The following IFT27 variants were observed in gnomAD, a reference collection of about 807,000 sequenced individuals.
IFT27 encodes intraflagellar transport 27.
In IFT27, 19 loss-of-function variants were observed where a neutral mutation model predicts 23.9. The observed-to-expected ratio is 0.79, with a 90% CI of 0.55 to 1.16. The LOEUF is 1.16. IFT27 is among the 50% of genes most tolerant of loss of function. The pLI is 0.00. For missense variants in IFT27, 206 were observed against 228.7 expected, an observed-to-expected ratio of 0.90 and a Z score of 0.64; for synonymous variants, 91 against 89.1, an observed-to-expected ratio of 1.02 and a Z score of -0.12.
intron 1 of IFT27, among the ~76,000 whole-genome samples, chr22:36,769,857 C>T (rs1324852206): frequency 1.3e-5 from 2 of 152,176 alleles, no homozygotes; most frequent in Non-Finnish European, 2.9e-5. Flanking sequence ...TTATGAGATT[C>T]CTCACAGATT....
chr22:36,762,858 AG>A, intron 6 of IFT27, 45 bp downstream of exon 6: 1 of 1,291,454 alleles, frequency 7.7e-7, no homozygotes, highest in Non-Finnish European at 1.1e-6. Flanking sequence ...CGCTGCCAGC[AG>A]AGGCCCACTC....
Position 36,767,824 on chromosome 22 carries a change from A to G in IFT27, c.73T>C (p.Phe25Leu), listed in dbSNP as rs1938293324. The G allele has an allele frequency of 1.2e-6, 2 of 1,614,096 alleles. No homozygotes were observed. Among genetic ancestry groups the G allele is most frequent in the Non-Finnish European group, 1.7e-6 (2 of 1,180,032 alleles). The change falls in exon 2 of 7, where the codon TTC (phenylalanine) becomes CTC (leucine). Residue 25 changes from phenylalanine to leucine, a missense_variant. Physicochemically the swap from Phe to Leu is conservative, Grantham distance 22. Transcript: ENST00000433985. ...AVGKTALAQI[F>L]RSDGAHFQKS... is the part of the protein sequence containing the mutation. ...TGGAAATGGGCTCCATCACTGCGGA[A>G]GATCTGTGCCAGGGCGGTCTTGCCC...
intron 5 of IFT27, 122 bp from the exon 6 acceptor site, chr22:36,763,135 G>A (rs1938142494): frequency 1.7e-6 from 1 of 593,988 alleles, no homozygotes; most frequent in Non-Finnish European, 2.8e-6. Context: ...CCTGACTCGA[G>A]GTGGTGAGCC....
At chr22:36,763,854 C>T (rs1938164559) in intron 5 of IFT27, 65 bp downstream of exon 5, 3 of 1,160,596 alleles carry the variant, frequency 2.6e-6, no homozygotes, top group Non-Finnish European at 3.9e-6. Context: ...CTCTGCAATG[C>T]CCTTGTGCTC....
At position 36,767,874 on chromosome 22, in the gene IFT27, G is replaced by C; in HGVS notation, c.35-12C>G. 1 of 1,610,994 alleles carries C rather than the reference G, an allele frequency of 6.2e-7. No individual in the cohort carries two copies. Among genetic ancestry groups the C allele is most frequent in the Non-Finnish European group, 8.5e-7 (1 of 1,177,124 alleles). On this transcript the variant is annotated splice_polypyrimidine_tract_variant and intron_variant, in intron 1 of 6. Coordinates refer to ENST00000433985, the MANE Select transcript of IFT27 (RefSeq NM_001177701.3). ...CACTGCTGGGTCTCCTGTGAGATCAGAAAAGAAGAAAAAGAACGCCTTAGT... is the reference window on the plus strand; with the variant it reads ...CACTGCTGGGTCTCCTGTGAGATCACAAAAGAAGAAAAAGAACGCCTTAGT...
chr22:36,772,537 A>G, intron 1 of IFT27: 7 of 985,428 alleles, frequency 7.1e-6, no homozygotes, highest in Non-Finnish European at 8.4e-6. Flanking sequence ...CAGAACCAGA[A>G]CAAGTAGCAG....
chr22:36,775,566 G>T (rs1938481699), intron 1 of IFT27, 108 bp downstream of exon 1: 4 of 1,166,572 alleles, frequency 3.4e-6, no homozygotes, highest in African/African-American at 3.0e-5. Context: ...GCCTTTGGGA[G>T]AGAGAAAGGA....
intron 1 of IFT27, among the ~76,000 whole-genome samples, chr22:36,769,096 G>A (rs1938334623): frequency 6.6e-6 from 1 of 152,102 alleles, no homozygotes; most frequent in South Asian, 2.1e-4. Flanking sequence ...TTCATTTTAT[G>A]TGAACTCCTC....
chr22:36,761,038 G>T (rs942383655), intron 6 of IFT27: 1 of 160,558 alleles, frequency 6.2e-6, no homozygotes, highest in African/African-American at 2.4e-5. Flanking sequence ...CGAGCTGCCA[G>T]CGGTGCTTCT....
Position 36,775,776 on chromosome 22 carries a change from C to T in IFT27, c.-69G>A. 1 of 1,533,300 alleles carries T rather than the reference C, an allele frequency of 6.5e-7. No individual in the cohort carries two copies. The highest frequency in any genetic ancestry group is 9.0e-7 in the Non-Finnish European group (1 of 1,106,826). The allele number at this position is 1,533,300 out of a possible 1,614,324, so 95.0% of individuals were successfully genotyped here. On this transcript the variant is annotated 5_prime_UTR_variant, in exon 1 of 7. Transcript: ENST00000433985. ...GCTGCTAGAGACGCGAGTGGGTGGG[C>T]TTCGGGCCCTGGGCTGGCCTGGGAC...
At chr22:36,760,754 G>T in intron 6 of IFT27, 1 of 163,224 alleles carries the variant, frequency 6.1e-6, no homozygotes. Context: ...ACCTTGTAGG[G>T]CTGTTATGAA....
At chr22:36,763,103 G>A (rs1938141641) in intron 5 of IFT27, 90 bp from the exon 6 acceptor site, 2 of 879,068 alleles carry the variant, frequency 2.3e-6, no homozygotes, top group Admixed American at 2.5e-5. Context: ...TTTGAGGGGT[G>A]TAAAGCATCC....
intron 1 of IFT27, among the ~76,000 whole-genome samples, chr22:36,769,046 A>C (rs1938333108): frequency 6.6e-6 from 1 of 151,870 alleles, no homozygotes; most frequent in Admixed American, 6.6e-5. Context: ...CCCACCTATA[A>C]TTTTCCCTTG....
At chr22:36,761,539 C>CT (rs1261383453) in intron 6 of IFT27, 1 of 152,220 alleles carries the variant, frequency 6.6e-6, no homozygotes, top group Non-Finnish European at 1.5e-5. Context: ...AATATTTATA[C>CT]TTTAAGAAAG....
chr22:36,775,573 A>G, intron 1 of IFT27, 101 bp downstream of exon 1: 1 of 1,266,230 alleles, frequency 7.9e-7, no homozygotes, highest in Non-Finnish European at 1.2e-6. Context: ...GGAGAGAGAA[A>G]GGAAAAGGTA....
chr22:36,758,379 G>T lies in IFT27; in HGVS notation c.493C>A (p.His165Asn). ...KEMENFEAPF[H>N]CLAKQFHQLY... ...TGGTGGAACTGCTTGGCAAGGCAGT[G>T]GAAAGGGGCTTCGAAGTTTTCCATC... is the stretch of plus-strand genomic sequence containing the variant. Residue 165 changes from histidine (H) to asparagine (N), a missense_variant, in exon 7 of 7, where the codon CAC becomes AAC. Coordinates refer to ENST00000433985, the MANE Select transcript of IFT27 (RefSeq NM_001177701.3). 1 of 1,614,082 alleles carries T rather than the reference G, an allele frequency of 6.2e-7. No homozygotes were observed. Among genetic ancestry groups the T allele is most frequent in the East Asian group, 2.2e-5 (1 of 44,884 alleles).
At chr22:36,774,934 G>C (rs545626653) in intron 1 of IFT27, among the ~76,000 whole-genome samples, 69 of 152,262 alleles carry the variant, frequency 4.5e-4, no homozygotes, top group Non-Finnish European at 7.1e-4. Flanking sequence ...TATGTGTTTC[G>C]CAGTCTATAA....
intron 1 of IFT27, among the ~76,000 whole-genome samples, chr22:36,768,823 T>G (rs1938326073): frequency 6.6e-6 from 1 of 152,222 alleles, no homozygotes; most frequent in South Asian, 2.1e-4. Flanking sequence ...TACGTGGACT[T>G]GCACTCCACC....
At chr22:36,773,964 C>A (rs1433637096) in intron 1 of IFT27, among the ~76,000 whole-genome samples, 1 of 151,976 alleles carries the variant, frequency 6.6e-6, no homozygotes, top group Admixed American at 6.5e-5. Flanking sequence ...TGATGAAAAC[C>A]GAATTTAAAA....
Sources: allele counts gnomAD v4.1 joint callset (sites outside exome capture counted in the v4.1 genomes callset), GRCh38; gene constraint gnomAD v4.1.1; transcripts MANE v1.5; gene names NCBI Gene and HGNC (gene_info 2026-07-23, HGNC 2026-07-21).